EXOC4: variants seen among roughly 807,000 people sequenced by gnomAD.
The protein encoded by EXOC4 is exocyst complex component 4.
In EXOC4, 71 loss-of-function variants were observed where a neutral mutation model predicts 107.2. The ratio of observed to expected loss-of-function variants is 0.66; its 90% CI spans 0.55 to 0.81. EXOC4 has a LOEUF of 0.81. Ranked by LOEUF, EXOC4 falls within the 30% of genes least tolerant of loss-of-function variation. The pLI is 0.00. For synonymous variants in EXOC4, 456 were observed against 441.2 expected, an observed-to-expected ratio of 1.03 and a Z score of -0.42; for missense variants, 1,108 against 1,189.6, an observed-to-expected ratio of 0.93 and a Z score of 1.01.
intron 10 of EXOC4, among the ~76,000 whole-genome samples, chr7:133,654,958 A>T (rs1464185497): frequency 6.6e-6 from 1 of 152,152 alleles, no homozygotes; most frequent in African/African-American, 2.4e-5. Context: ...GTAAAAAATA[A>T]TGCAGCTGTA....
intron 2 of EXOC4, among the ~76,000 whole-genome samples, chr7:133,279,817 C>T (rs1794089634): frequency 6.6e-6 from 1 of 152,120 alleles, no homozygotes; most frequent in Non-Finnish European, 1.5e-5. Flanking sequence ...CTGTGCCTGG[C>T]CTACATGTCT....
chr7:133,357,715 T>A (rs1003631359), intron 6 of EXOC4, among the ~76,000 whole-genome samples: 1 of 152,250 alleles, frequency 6.6e-6, no homozygotes, highest in Non-Finnish European at 1.5e-5. Flanking sequence ...TATAGACTTA[T>A]TTAAATTTTT....
At chr7:133,629,832 C>CG (rs1376506274) in intron 9 of EXOC4, among the ~76,000 whole-genome samples, 2 of 151,994 alleles carry the variant, frequency 1.3e-5, no homozygotes, top group African/African-American at 4.8e-5. Flanking sequence ...TGTGAGCCAC[C>CG]GTGCCCGGCT....
chr7:133,699,791 C>T (rs1430365331), intron 10 of EXOC4, among the ~76,000 whole-genome samples: 1 of 152,096 alleles, frequency 6.6e-6, no homozygotes, highest in Non-Finnish European at 1.5e-5. Context: ...TGGGAGGTCC[C>T]ATAGAGTCTG....
At chr7:133,675,504 AT>A (rs2151062084) in intron 10 of EXOC4, among the ~76,000 whole-genome samples, 1 of 152,354 alleles carries the variant, frequency 6.6e-6, no homozygotes, top group African/African-American at 2.4e-5. Flanking sequence ...AATGCTTAAA[AT>A]TTGAAACCAG....
intron 9 of EXOC4, among the ~76,000 whole-genome samples, chr7:133,521,843 T>A (rs1479117117): frequency 6.6e-6 from 1 of 152,076 alleles, no homozygotes. Flanking sequence ...ATGGTCTCGA[T>A]CTGCTGACCT....
chr7:134,061,404 G>C (rs1796052501), intron 17 of EXOC4, among the ~76,000 whole-genome samples: 1 of 152,182 alleles, frequency 6.6e-6, no homozygotes, highest in African/African-American at 2.4e-5. Context: ...TTCTGTAACT[G>C]TTGGTCTACC....
chr7:133,800,630 A>G (rs1286104722), intron 10 of EXOC4, among the ~76,000 whole-genome samples: 4 of 152,126 alleles, frequency 2.6e-5, no homozygotes, highest in African/African-American at 9.7e-5. Context: ...TTTTGTTTCA[A>G]AAGTTGAAGC....
Position 133,645,526 on chromosome 7 carries a change from G to T in EXOC4, c.1514+15385G>T, listed in dbSNP as rs184654272. 2.6e-3 allele frequency among the ~76,000 whole-genome samples: 389 copies of T among 151,950 alleles called. 2 individuals carry two copies. The highest frequency in any genetic ancestry group is 4.8e-3 in the Non-Finnish European group (325 of 67,938). ...AAGAAGATGCTAGGGACCATTTTTT[G>T]ATTGGCTTTGCATAACTAGAACTTG... On this transcript the variant is annotated intron_variant, in intron 10 of 17. Transcript: ENST00000253861.
At chr7:133,705,957 A>G (rs1391216046) in intron 10 of EXOC4, among the ~76,000 whole-genome samples, 2 of 152,232 alleles carry the variant, frequency 1.3e-5, no homozygotes, top group African/African-American at 4.8e-5. Flanking sequence ...GATAAGGAGG[A>G]ATTACTGTAT....
At chr7:133,888,680 G>C (rs1475907186) in intron 11 of EXOC4, among the ~76,000 whole-genome samples, 3 of 152,086 alleles carry the variant, frequency 2.0e-5, no homozygotes, top group Non-Finnish European at 4.4e-5. Context: ...GAGTGTGTTT[G>C]GACCCTGCGC....
chr7:133,382,659 T>G (rs545549831), intron 7 of EXOC4, among the ~76,000 whole-genome samples: 7 of 152,318 alleles, frequency 4.6e-5, no homozygotes, highest in African/African-American at 1.7e-4. Context: ...GATATTATGA[T>G]GAATAGAGTT....
chr7:133,851,266 T>C (rs898861405), intron 11 of EXOC4, among the ~76,000 whole-genome samples: 3 of 152,212 alleles, frequency 2.0e-5, no homozygotes, highest in Non-Finnish European at 2.9e-5. Flanking sequence ...ATAAGCAAGA[T>C]GGTCTCTAGT....
chr7:134,052,369 G>T (rs1248109896), intron 17 of EXOC4, among the ~76,000 whole-genome samples: 2 of 152,228 alleles, frequency 1.3e-5, no homozygotes, highest in South Asian at 4.1e-4. Flanking sequence ...AAACCCAGCA[G>T]AGTCTTGAAA....
intron 17 of EXOC4, among the ~76,000 whole-genome samples, chr7:134,046,850 A>G (rs1795666110): frequency 6.6e-6 from 1 of 152,020 alleles, no homozygotes. Context: ...AGTTCAGGGG[A>G]GTGGGGCGGG....
intron 11 of EXOC4, among the ~76,000 whole-genome samples, chr7:133,875,863 G>A (rs1328388711): frequency 6.6e-6 from 1 of 152,134 alleles, no homozygotes; most frequent in East Asian, 1.9e-4. Context: ...TGGACTACCT[G>A]AAAAGATTGA....
At chr7:133,365,798 A>G (rs1226358933) in intron 6 of EXOC4, among the ~76,000 whole-genome samples, 1 of 152,184 alleles carries the variant, frequency 6.6e-6, no homozygotes, top group Non-Finnish European at 1.5e-5. Context: ...GGAAATGTGT[A>G]TGAGAGATAT....
intron 9 of EXOC4, among the ~76,000 whole-genome samples, chr7:133,563,660 T>G (rs2150952838): frequency 6.6e-6 from 1 of 152,340 alleles, no homozygotes; most frequent in Admixed American, 6.5e-5. Context: ...TGTCTTCTCT[T>G]TTCATTGAAA....
intron 5 of EXOC4, among the ~76,000 whole-genome samples, chr7:133,341,313 A>T (rs1795655747): frequency 6.6e-6 from 1 of 152,094 alleles, no homozygotes; most frequent in Admixed American, 6.5e-5. Context: ...GGAGCAGGTT[A>T]TTTAATTTCC....
Sources: allele counts gnomAD v4.1 joint callset (sites outside exome capture counted in the v4.1 genomes callset), GRCh38; gene constraint gnomAD v4.1.1; transcripts MANE v1.5; gene names NCBI Gene and HGNC (gene_info 2026-07-23, HGNC 2026-07-21).